BRINP1: variants seen among roughly 807,000 people sequenced by gnomAD.
BRINP1 encodes BMP/retinoic acid inducible neural specific 1.
BRINP1 carries 17 observed loss-of-function variants against 72.9 expected under a neutral mutation model. That is an observed-to-expected ratio of 0.23 (90% CI 0.16 to 0.35). BRINP1 has a LOEUF of 0.35. Ranked by LOEUF, BRINP1 falls within the 10% of genes least tolerant of loss-of-function variation. BRINP1 has a pLI of 1.00. For missense variants in BRINP1, 850 were observed against 1,001.6 expected (o/e 0.85, Z 2.04); for synonymous variants, 418 against 378.5 (o/e 1.10, Z -1.21).
intron 7 of BRINP1, among the ~76,000 whole-genome samples, chr9:119,205,384 CCTT>C (rs1240914709): frequency 6.6e-6 from 1 of 152,114 alleles, no homozygotes; most frequent in Non-Finnish European, 1.5e-5. Flanking sequence ...GTTTTCTCCT[CCTT>C]AGTAGGAGAG....
intron 1 of BRINP1, among the ~76,000 whole-genome samples, chr9:119,341,520 C>T (rs535817690): frequency 6.6e-6 from 1 of 152,246 alleles, no homozygotes; most frequent in African/African-American, 2.4e-5. Flanking sequence ...CACCCAGCAA[C>T]AGCAGCAGTG....
chr9:119,362,162 G>A (rs893229016), intron 1 of BRINP1, among the ~76,000 whole-genome samples: 1 of 148,678 alleles, frequency 6.7e-6, no homozygotes, highest in African/African-American at 2.5e-5. Flanking sequence ...AGTGAAGCAA[G>A]CCACAGCTGG....
chr9:119,359,554 A>G (rs942648687), intron 1 of BRINP1, among the ~76,000 whole-genome samples: 1 of 152,224 alleles, frequency 6.6e-6, no homozygotes, highest in Non-Finnish European at 1.5e-5. Context: ...ACTGGCACAG[A>G]AACATCAGGT....
intron 5 of BRINP1, among the ~76,000 whole-genome samples, chr9:119,215,623 G>T (rs549311574): frequency 6.6e-6 from 1 of 152,198 alleles, no homozygotes; most frequent in African/African-American, 2.4e-5. Flanking sequence ...ATTCACAGTT[G>T]TTTCTAGATT....
intron 1 of BRINP1, among the ~76,000 whole-genome samples, chr9:119,361,821 G>C (rs1213913154): frequency 2.8e-4 from 12 of 43,630 alleles, no homozygotes; most frequent in African/African-American, 1.4e-3. Flanking sequence ...TTTTTTTTTT[G>C]GAGACAGAGT....
intron 1 of BRINP1, among the ~76,000 whole-genome samples, chr9:119,316,717 T>C (rs1831128766): frequency 6.6e-6 from 1 of 152,158 alleles, no homozygotes; most frequent in African/African-American, 2.4e-5. Context: ...TTCAATATTA[T>C]TGCTCACTGA....
At chr9:119,339,529 C>A (rs1397421995) in intron 1 of BRINP1, among the ~76,000 whole-genome samples, 1 of 152,238 alleles carries the variant, frequency 6.6e-6, no homozygotes, top group Non-Finnish European at 1.5e-5. Flanking sequence ...AAGCTCAATA[C>A]ATACCTTTGG....
chr9:119,303,069 C>T (rs1830955791), intron 2 of BRINP1, among the ~76,000 whole-genome samples: 1 of 152,078 alleles, frequency 6.6e-6, no homozygotes, highest in Non-Finnish European at 1.5e-5. Context: ...TTATTTCTTT[C>T]ATATCATTTG....
At chr9:119,340,419 A>C (rs1056552110) in intron 1 of BRINP1, among the ~76,000 whole-genome samples, 26 of 152,072 alleles carry the variant, frequency 1.7e-4, no homozygotes, top group Admixed American at 1.4e-3. Flanking sequence ...GAGGGAAAAA[A>C]AAAAGGCTGA....
Position 119,167,670 on chromosome 9 carries a change from A to T in BRINP1, c.1700T>A (p.Phe567Tyr). The T allele has an allele frequency of 6.2e-7, 1 of 1,614,064 alleles. No homozygotes were observed. The highest frequency in any genetic ancestry group is 8.5e-7 in the Non-Finnish European group (1 of 1,180,012). The change falls in exon 8 of 8, where the codon TTT becomes TAT. Residue 567 changes from phenylalanine to tyrosine, a missense_variant. Transcript: ENST00000265922. The surrounding 1 kb of genome is among the most constrained non-coding windows in gnomAD (Gnocchi z 4.3). ...CCAGCCCTCCGAATGGCTCCCGCTA[A>T]AGGGGTTGACATAGACAAAGAACAT... Reference protein sequence around the residue: ...DPMFFVYVNPFSGSHSEGWNM... With the variant: ...DPMFFVYVNPYSGSHSEGWNM...
chr9:119,219,845 C>T (rs1197853121), intron 5 of BRINP1, among the ~76,000 whole-genome samples: 1 of 152,082 alleles, frequency 6.6e-6, no homozygotes, highest in East Asian at 1.9e-4. Flanking sequence ...TAGGGGGTAG[C>T]ATTTAAGCTG....
intron 4 of BRINP1, 112 bp downstream of exon 4, chr9:119,241,935 G>A (rs1830254125): frequency 8.6e-7 from 1 of 1,158,248 alleles, no homozygotes; most frequent in Non-Finnish European, 1.2e-6. Flanking sequence ...GGCATCACGA[G>A]CTACATGGTT....
chr9:119,280,180 A>T (rs1426322826), intron 2 of BRINP1, among the ~76,000 whole-genome samples: 1 of 152,174 alleles, frequency 6.6e-6, no homozygotes, highest in Non-Finnish European at 1.5e-5. Context: ...GTACAATAAC[A>T]TATAAAGAAA....
At chr9:119,315,724 T>G (rs1467856118) in intron 1 of BRINP1, among the ~76,000 whole-genome samples, 1 of 152,138 alleles carries the variant, frequency 6.6e-6, no homozygotes, top group Admixed American at 6.5e-5. Flanking sequence ...TTTAAGGAAA[T>G]TAAATGTGCT....
At chr9:119,198,889 T>A (rs1051247320) in intron 7 of BRINP1, among the ~76,000 whole-genome samples, 2 of 152,152 alleles carry the variant, frequency 1.3e-5, no homozygotes, top group African/African-American at 4.8e-5. Context: ...GCTAGGCTGG[T>A]CTTGAACTCC....
In BRINP1 at chr9:119,368,568, C is replaced by T. The variant is rs1407769006; in HGVS notation, c.-51+488G>A. 6.6e-6 allele frequency among the ~76,000 whole-genome samples: 1 copy of T among 152,080 alleles called. No homozygotes were observed. Among genetic ancestry groups the T allele is most frequent in the Non-Finnish European group, 1.5e-5 (1 of 68,028 alleles). The stretch of plus-strand genomic sequence containing the variant: ...GACTACGTGATCCTATAGTAAGGGT[C>T]CCATTCCGTGTAAGCTGGAGAGACC... On this transcript the variant is annotated intron_variant, in intron 1 of 7. Transcript: ENST00000265922. The surrounding 1 kb of genome is among the most constrained non-coding windows in gnomAD (Gnocchi z 4.7).
chr9:119,178,480 C>T (rs1004211072), intron 7 of BRINP1, among the ~76,000 whole-genome samples: 2 of 152,214 alleles, frequency 1.3e-5, no homozygotes, highest in African/African-American at 4.8e-5. Context: ...GAAAAACCCT[C>T]AATCAAATCA....
intron 7 of BRINP1, among the ~76,000 whole-genome samples, chr9:119,198,976 A>G (rs1829775848): frequency 6.6e-6 from 1 of 152,076 alleles, no homozygotes; most frequent in African/African-American, 2.4e-5. Context: ...CCCAGCCTTG[A>G]ATATATTAAC....
At chr9:119,338,438 GAAC>G (rs964311052) in intron 1 of BRINP1, among the ~76,000 whole-genome samples, 1 of 152,018 alleles carries the variant, frequency 6.6e-6, no homozygotes, top group African/African-American at 2.4e-5. Flanking sequence ...GCAGGGAGAA[GAAC>G]AACAATGATA....
Sources: gnomAD v4.1 joint callset for allele counts (sites outside exome capture counted in the v4.1 genomes callset) on GRCh38, gnomAD v4.1.1 for gene constraint, Gnocchi (gnomAD v3.1) non-coding constraint, MANE v1.5 for transcripts, NCBI Gene and HGNC (gene_info 2026-07-23, HGNC 2026-07-21) for gene names.